The following AGO2 variants were observed in gnomAD, a reference collection of about 807,000 sequenced individuals.
AGO2 encodes the protein protein argonaute-2.
In AGO2, 5 loss-of-function variants were observed where a neutral mutation model predicts 102.3. That is an observed-to-expected ratio of 0.05 (90% confidence interval 0.03 to 0.10). The LOEUF (loss-of-function observed/expected upper bound fraction) is 0.10, where lower values mean the gene tolerates loss of function less well. Among genes scored for constraint, AGO2 ranks in the 10% least tolerant of loss-of-function variants. The pLI, the probability that AGO2 is intolerant of heterozygous loss-of-function variation, is 1.00. For missense variants in AGO2, 541 were observed against 1,183.7 expected, an observed-to-expected ratio of 0.46 and a Z score of 7.97; for synonymous variants, 449 against 473.1, an observed-to-expected ratio of 0.95 and a Z score of 0.66.
At chr8:140,534,270 C>A (rs2072655591) in intron 17 of AGO2, among the ~76,000 whole-genome samples, 2 of 152,208 alleles carry the variant, frequency 1.3e-5, no homozygotes, top group Non-Finnish European at 2.9e-5. Flanking sequence ...AGAGAAGCAT[C>A]CCCCGTTAGA....
intron 1 of AGO2, among the ~76,000 whole-genome samples, chr8:140,632,295 T>C (rs2074352151): frequency 6.6e-6 from 1 of 152,262 alleles, no homozygotes; most frequent in South Asian, 2.1e-4. Context: ...CATGCCGCGA[T>C]GGCCTCGGCC....
At chr8:140,624,561 C>T (rs1465762227) in intron 1 of AGO2, among the ~76,000 whole-genome samples, 1 of 152,230 alleles carries the variant, frequency 6.6e-6, no homozygotes, top group African/African-American at 2.4e-5. Flanking sequence ...CAGCACTGAG[C>T]AGCCAGCGTC....
At chr8:140,582,722 A>C (rs2073576187) in intron 2 of AGO2, among the ~76,000 whole-genome samples, 1 of 152,246 alleles carries the variant, frequency 6.6e-6, no homozygotes, top group African/African-American at 2.4e-5. Flanking sequence ...ATCCCTAGGT[A>C]GGCAAAAATT....
chr8:140,581,135 G>A (rs2073550987), intron 2 of AGO2, among the ~76,000 whole-genome samples: 1 of 152,270 alleles, frequency 6.6e-6, no homozygotes, highest in South Asian at 2.1e-4. Context: ...AGGCACAGTG[G>A]CTCACACCTG....
intron 3 of AGO2, among the ~76,000 whole-genome samples, chr8:140,565,900 G>C (rs2073276420): frequency 1.3e-5 from 2 of 152,002 alleles, no homozygotes; most frequent in South Asian, 2.1e-4. Flanking sequence ...GCAATATAGG[G>C]AGACCCCATC....
chr8:140,618,321 G>C (rs1490711537), intron 1 of AGO2, among the ~76,000 whole-genome samples: 2 of 147,730 alleles, frequency 1.4e-5, no homozygotes, highest in African/African-American at 5.0e-5. Flanking sequence ...CTCCGTCTCA[G>C]GAAAAAAAAA....
chr8:140,628,957 G>A (rs1276414338), intron 1 of AGO2, among the ~76,000 whole-genome samples: 3 of 152,070 alleles, frequency 2.0e-5, no homozygotes, highest in Non-Finnish European at 4.4e-5. Flanking sequence ...GGTATATAGT[G>A]GCACATGCCA....
chr8:140,539,570 G>C lies in AGO2; in HGVS notation c.2035-116C>G. 7.8e-7 allele frequency: 1 copy of C among 1,277,872 alleles called. No homozygotes were observed. The highest frequency in any genetic ancestry group is 1.1e-6 in the Non-Finnish European group (1 of 922,216). The allele number at this position is 1,277,872 out of a possible 1,614,324, so 79.2% of individuals were successfully genotyped here. A position where few individuals can be genotyped will look rare whatever the true frequency, so the allele number is the denominator to read the frequency against. ...AGCCGTGGTGATTCTGAGAGACAAT[G>C]AGTGTGTTCACGGGGAGGTGAAAAC... On this transcript the variant is annotated intron_variant, in intron 15 of 18. Transcript: ENST00000220592. This position sits in a 1 kb window ranked among gnomAD's most constrained non-coding sequence, Gnocchi z 4.7.
chr8:140,593,362 T>C (rs2073772950), intron 1 of AGO2, among the ~76,000 whole-genome samples: 1 of 151,812 alleles, frequency 6.6e-6, no homozygotes, highest in Non-Finnish European at 1.5e-5. Context: ...CAGCTAATGC[T>C]TGTATTTTTA....
chr8:140,600,567 C>T (rs577457783), intron 1 of AGO2, among the ~76,000 whole-genome samples: 1 of 152,198 alleles, frequency 6.6e-6, no homozygotes, highest in South Asian at 2.1e-4. Flanking sequence ...GTAATCCCAG[C>T]TACTTGGGAG....
At chr8:140,581,660 C>G (rs2073559500) in intron 2 of AGO2, among the ~76,000 whole-genome samples, 1 of 152,350 alleles carries the variant, frequency 6.6e-6, no homozygotes, top group South Asian at 2.1e-4. Context: ...GAGAGCCACA[C>G]AGCAGTGAGA....
intron 3 of AGO2, 76 bp downstream of exon 3, chr8:140,572,736 C>A: frequency 6.4e-7 from 1 of 1,552,214 alleles, no homozygotes; most frequent in Non-Finnish European, 8.7e-7. Flanking sequence ...TGAGAACAGG[C>A]ATGACAGACT....
chr8:140,631,529 T>A (rs566115128), intron 1 of AGO2, among the ~76,000 whole-genome samples: 117 of 144,564 alleles, frequency 8.1e-4, no homozygotes, highest in Non-Finnish European at 1.5e-3. Context: ...AGAGCGAGAC[T>A]CCGTCTCAAA....
chr8:140,635,968 C>G (rs549754706), upstream of AGO2, among the ~76,000 whole-genome samples: 6 of 149,922 alleles, frequency 4.0e-5, no homozygotes, highest in East Asian at 1.2e-3. Context: ...CACTGCCACC[C>G]AGAGAAGCCG....
At chr8:140,638,865 T>G (rs909316667), upstream of AGO2, among the ~76,000 whole-genome samples, 1 of 152,166 alleles carries the variant, frequency 6.6e-6, no homozygotes, top group African/African-American at 2.4e-5. Context: ...CATGAGCCAC[T>G]ACACCTGACC....
intron 14 of AGO2, among the ~76,000 whole-genome samples, chr8:140,542,185 C>G (rs1369689832): frequency 6.6e-6 from 1 of 152,140 alleles, no homozygotes; most frequent in African/African-American, 2.4e-5. Context: ...GGTGGCCCAG[C>G]CCATGGAGGG....
intron 7 of AGO2, among the ~76,000 whole-genome samples, chr8:140,558,060 C>A (rs2073130783): frequency 6.6e-6 from 1 of 152,324 alleles, no homozygotes; most frequent in African/African-American, 2.4e-5. Flanking sequence ...CCCAGGACAG[C>A]GGTGCACTCT....
rs184272021 is a variant in AGO2, at chr8:140,578,510, C to T, written c.216-5578G>A. Among the ~76,000 whole-genome samples the T allele has an allele frequency of 3.3e-3, 507 of 152,306 alleles. 3 individuals are homozygous for T. Among genetic ancestry groups the T allele is most frequent in the African/African-American group, 0.011 (468 of 41,556 alleles). On this transcript the variant is annotated intron_variant, in intron 2 of 18. Transcript: ENST00000220592. ...CGCGGAGTCCCTGAATCTGGTCCTT[C>T]GTTTCGAGCCGGCGCAGGCACTGGA... is the stretch of plus-strand genomic sequence containing the variant.
At position 140,561,352 on chromosome 8, in the gene AGO2, C is replaced by G. The variant is rs1294863563; in HGVS notation, c.519-842G>C. Among the ~76,000 whole-genome samples, 3 of 152,366 alleles carry G rather than the reference C, an allele frequency of 2.0e-5. No individual in the cohort carries two copies. In the East Asian group the frequency reaches 5.8e-4, roughly 29 times the overall value. On this transcript the variant is annotated intron_variant, in intron 4 of 18. Transcript: ENST00000220592. ...TTTCCACCTGAGACGTGCTAATAAT[C>G]CCGCCTCTACTGCTCTTCTTTTCCC...
Sources: gnomAD v4.1 joint callset for allele counts (sites outside exome capture counted in the v4.1 genomes callset) on GRCh38, gnomAD v4.1.1 for gene constraint, Gnocchi (gnomAD v3.1) non-coding constraint, MANE v1.5 for transcripts, NCBI Gene and HGNC (gene_info 2026-07-23, HGNC 2026-07-21) for gene names.